Variants in ANKMY2 observed in about 807,000 individuals in gnomAD.
ANKMY2 encodes ankyrin repeat and MYND domain-containing protein 2.
In ANKMY2, 36 loss-of-function variants were observed where a neutral mutation model predicts 50.4. The observed-to-expected ratio is 0.71, with a 90% confidence interval of 0.55 to 0.94. The LOEUF (loss-of-function observed/expected upper bound fraction) is 0.94, where lower values mean the gene tolerates loss of function less well. Among genes scored for constraint, ANKMY2 ranks in the 40% least tolerant of loss-of-function variants. The pLI, the probability that ANKMY2 is intolerant of heterozygous loss-of-function variation, is 0.00. For synonymous variants in ANKMY2, 187 were observed against 178.8 expected (o/e 1.05, Z -0.36); for missense variants, 565 against 524.0 (o/e 1.08, Z -0.76).
intron 2 of ANKMY2, among the ~76,000 whole-genome samples, chr7:16,628,958 G>T (rs1781542170): frequency 7.0e-6 from 1 of 142,568 alleles, no homozygotes. Context: ...AAAACACAAA[G>T]CTTTCAACAG....
intron 7 of ANKMY2, among the ~76,000 whole-genome samples, chr7:16,608,256 C>T (rs952579951): frequency 1.2e-4 from 18 of 152,184 alleles, no homozygotes; most frequent in Admixed American, 9.2e-4. Context: ...TGCCAAGACA[C>T]ATTTGTAATT....
intron 7 of ANKMY2, among the ~76,000 whole-genome samples, chr7:16,605,674 CTTTTTTTTTTTT>C (rs11307797): frequency 1.5e-4 from 9 of 59,608 alleles, no homozygotes; most frequent in South Asian, 7.0e-4. Flanking sequence ...ATTTTTTGTA[CTTTTTTTTTTTT>C]TTTTTTTTTT....
intron 1 of ANKMY2, 63 bp from the exon 2 acceptor site, chr7:16,636,518 C>G: frequency 7.6e-7 from 1 of 1,320,704 alleles, no homozygotes; most frequent in South Asian, 1.4e-5. Context: ...AAAAATCTAA[C>G]ATCAAGGAAA....
At chr7:16,608,291 A>T (rs1781192233) in intron 7 of ANKMY2, among the ~76,000 whole-genome samples, 1 of 152,226 alleles carries the variant, frequency 6.6e-6, no homozygotes. Context: ...TGCTAACTTT[A>T]TTCTTCCAAA....
At chr7:16,640,436 G>T (rs2128346934) in intron 1 of ANKMY2, among the ~76,000 whole-genome samples, 1 of 152,226 alleles carries the variant, frequency 6.6e-6, no homozygotes, top group Non-Finnish European at 1.5e-5. Flanking sequence ...AAACAGAACA[G>T]GAGAAACAAA....
chr7:16,624,168 T>C (rs577615875), intron 4 of ANKMY2, among the ~76,000 whole-genome samples: 1 of 152,354 alleles, frequency 6.6e-6, no homozygotes, highest in East Asian at 1.9e-4. Flanking sequence ...CCTACAGTGA[T>C]GCTTGCTTTA....
Position 16,627,026 on chromosome 7 carries a change from T to A in ANKMY2, c.271+14A>T. ...TGTATAGGTAACTTATATTTATAAA[T>A]ACTAAAACTTCACCAGAAAGTGCAG... is the stretch of plus-strand genomic sequence containing the variant. On this transcript the variant is annotated intron_variant, in intron 3 of 9. Coordinates refer to ENST00000306999, the MANE Select transcript of ANKMY2 (RefSeq NM_020319.3). 1 of 1,587,882 alleles carries A rather than the reference T, an allele frequency of 6.3e-7. No individual in the cohort carries two copies. The highest frequency in any genetic ancestry group is 1.2e-5 in the South Asian group (1 of 86,806).
In ANKMY2 at chr7:16,628,399, G is replaced by A. The variant is rs980644824; in HGVS notation, c.133-1221C>T. The stretch of plus-strand genomic sequence containing the variant: ...TTTCAGTTGCACAAGAGGCAACTCC[G>A]TGGAAGCAACGGACATTTCTTGAGA... On this transcript the variant is annotated intron_variant, in intron 2 of 9. Coordinates refer to ENST00000306999, the MANE Select transcript of ANKMY2 (RefSeq NM_020319.3). Among the ~76,000 whole-genome samples, 6 of 152,040 alleles carry A rather than the reference G, an allele frequency of 3.9e-5. No homozygotes were observed. The South Asian group carries it at 6.2e-4, about 16-fold the overall frequency.
chr7:16,617,393 C>T lies in ANKMY2; in HGVS notation c.371-1489G>A, dbSNP rs1052443398. Among the ~76,000 whole-genome samples the T allele has an allele frequency of 5.9e-5, 9 of 152,254 alleles. No homozygotes were observed. In the East Asian group the frequency reaches 1.5e-3, roughly 26 times the overall value. On this transcript the variant is annotated intron_variant, in intron 4 of 9. Transcript: ENST00000306999. The stretch of plus-strand genomic sequence containing the variant: ...TGATCCAGGACCCTATCAGCTTTAC[C>T]TGACTTCCTGGGAGGTACAGAACAA...
chr7:16,644,823 T>C, intron 1 of ANKMY2: 2 of 421,384 alleles, frequency 4.7e-6, no homozygotes, highest in South Asian at 3.4e-5. Context: ...CTTGGGGGAG[T>C]GGACAAGAAA....
chr7:16,615,676 T>A (rs1781332863), intron 5 of ANKMY2, 68 bp downstream of exon 5: 3 of 1,592,352 alleles, frequency 1.9e-6, no homozygotes, highest in Non-Finnish European at 2.6e-6. Context: ...TGATCCTGTA[T>A]AATAAAAGCA....
chr7:16,609,205 C>G (rs563916920), intron 7 of ANKMY2, among the ~76,000 whole-genome samples: 2 of 152,234 alleles, frequency 1.3e-5, no homozygotes, highest in Admixed American at 6.5e-5. Context: ...CCACAATGAG[C>G]CTTCCCATGG....
intron 1 of ANKMY2, 97 bp from the exon 2 acceptor site, chr7:16,636,552 A>G: frequency 1.2e-6 from 1 of 866,616 alleles, no homozygotes; most frequent in Non-Finnish European, 1.8e-6. Flanking sequence ...GTTATCTGTA[A>G]GAGTACATCT....
intron 4 of ANKMY2, among the ~76,000 whole-genome samples, chr7:16,623,073 A>C (rs894549493): frequency 1.3e-5 from 2 of 152,190 alleles, no homozygotes; most frequent in African/African-American, 4.8e-5. Flanking sequence ...ATGATGTATT[A>C]GTAAGTGAAG....
rs548133485 is a variant in ANKMY2, at chr7:16,637,685, C to T, written c.68-1230G>A. Among the ~76,000 whole-genome samples, 60 of 152,316 alleles carry T rather than the reference C, an allele frequency of 3.9e-4. 1 individual carries two copies. The highest frequency in any genetic ancestry group is 1.3e-3 in the African/African-American group (56 of 41,562). On this transcript the variant is annotated intron_variant, in intron 1 of 9. Coordinates refer to ENST00000306999, the MANE Select transcript of ANKMY2 (RefSeq NM_020319.3). ...GTTCTACATGAAACCTTATTCGTAT[C>T]TGTGTCTTCTCATCAGAGACTTTCT...
chr7:16,620,284 T>C (rs1781413849), intron 4 of ANKMY2, among the ~76,000 whole-genome samples: 1 of 152,060 alleles, frequency 6.6e-6, no homozygotes. Flanking sequence ...GTGGTATGGA[T>C]TACTGAAAGA....
At chr7:16,614,815 C>T (rs981819660) in intron 5 of ANKMY2, among the ~76,000 whole-genome samples, 3 of 152,168 alleles carry the variant, frequency 2.0e-5, no homozygotes, top group Non-Finnish European at 4.4e-5. Flanking sequence ...CTCACTTAAA[C>T]AGCTCTGAAC....
At chr7:16,616,641 G>T (rs566722779) in intron 4 of ANKMY2, among the ~76,000 whole-genome samples, 63 of 152,354 alleles carry the variant, frequency 4.1e-4, no homozygotes, top group African/African-American at 1.3e-3. Context: ...GGGCAAGCAG[G>T]CAGAAGCCAC....
Position 16,632,533 on chromosome 7 carries a change from C to T in ANKMY2, c.132+3858G>A, listed in dbSNP as rs1781603718. 2.6e-5 allele frequency among the ~76,000 whole-genome samples: 4 copies of T among 152,192 alleles called. 1 individual carries two copies. The South Asian group carries it at 8.3e-4, about 32-fold the overall frequency. On this transcript the variant is annotated intron_variant, in intron 2 of 9. Coordinates refer to ENST00000306999, the MANE Select transcript of ANKMY2 (RefSeq NM_020319.3). ...GCAATATTTTGTGACTGACTTCTTTCACTTAGCATTAATGTTTTCAAGGTT... is the reference window on the plus strand; with the variant it reads ...GCAATATTTTGTGACTGACTTCTTTTACTTAGCATTAATGTTTTCAAGGTT...
Sources: gnomAD v4.1 joint callset for allele counts (sites outside exome capture counted in the v4.1 genomes callset) on GRCh38, gnomAD v4.1.1 for gene constraint, MANE v1.5 for transcripts, NCBI Gene and HGNC (gene_info 2026-07-23, HGNC 2026-07-21) for gene names.